ANKS1B: variants seen among roughly 807,000 people sequenced by gnomAD.
ANKS1B encodes the protein ankyrin repeat and sterile alpha motif domain containing 1B.
A neutral mutation model predicts 148.3 loss-of-function variants in ANKS1B; 36 were observed. The ratio of observed to expected loss-of-function variants is 0.24; its 90% CI spans 0.19 to 0.32. ANKS1B has a LOEUF of 0.32. Among genes scored for constraint, ANKS1B ranks in the 10% least tolerant of loss-of-function variants. ANKS1B has a pLI of 1.00. For synonymous variants in ANKS1B, 542 were observed against 560.8 expected (o/e 0.97, Z 0.47); for missense variants, 1,157 against 1,542.6 (o/e 0.75, Z 4.19).
chr12:98,762,882 G>T (rs898798992), intron 25 of ANKS1B, among the ~76,000 whole-genome samples: 7 of 152,242 alleles, frequency 4.6e-5, no homozygotes, highest in Non-Finnish European at 8.8e-5. Flanking sequence ...AATAGGTCAG[G>T]TGCTCAAGAA....
rs560390663 is a variant in ANKS1B, at chr12:99,191,097, A to T, written c.2420-36702T>A. ...TATGCAGCCAACAAACATGAAAAAA[A>T]GCTATAATCACTGGTCACTAGAGAA... is the stretch of plus-strand genomic sequence containing the variant. On this transcript the variant is annotated intron_variant, in intron 14 of 26. Transcript: ENST00000683438. Among the ~76,000 whole-genome samples, 583 of 152,304 alleles carry T rather than the reference A, an allele frequency of 3.8e-3. 3 individuals carry two copies. The highest frequency in any genetic ancestry group is 0.014 in the African/African-American group (565 of 41,584).
Position 99,399,683 on chromosome 12 carries a change from G to A in ANKS1B, c.1704C>T (p.Pro568=). ...SFTASPPASP[P]TSSVGTTEVK... is the part of the protein sequence containing the mutation. Reference sequence around the variant, plus strand: ...CTTCTGTGGTTCCCACAGAAGAGGTGGGTGGACTAGCAGGAGGACTGGCAG... The same window carrying A: ...CTTCTGTGGTTCCCACAGAAGAGGTAGGTGGACTAGCAGGAGGACTGGCAG... Residue 568 remains proline, a synonymous_variant, in exon 12 of 27, where the codon CCC becomes CCT. Transcript: ENST00000683438. The A allele has an allele frequency of 6.2e-7, 1 of 1,613,524 alleles. No homozygotes were observed. Among genetic ancestry groups the A allele is most frequent in the Non-Finnish European group, 8.5e-7 (1 of 1,179,514 alleles).
chr12:99,368,660 T>C lies in ANKS1B; in HGVS notation c.1756+30971A>G, dbSNP rs1029420152. Among the ~76,000 whole-genome samples, 3 of 152,038 alleles carry C rather than the reference T, an allele frequency of 2.0e-5. No individual in the cohort carries two copies. The East Asian group carries it at 5.8e-4, about 29-fold the overall frequency. ...TTGCACTATCTGTTGTCATTTATTG[T>C]AAAACACTGAACATATAAAAATTCA... On this transcript the variant is annotated intron_variant, in intron 12 of 26. Transcript: ENST00000683438.
chr12:99,627,682 TG>T lies in ANKS1B; in HGVS notation c.1272+27384del, dbSNP rs533364292. Among the ~76,000 whole-genome samples, 16 of 152,258 alleles carry T rather than the reference TG, an allele frequency of 1.1e-4. 1 individual carries two copies. In the South Asian group the frequency reaches 2.9e-3, roughly 28 times the overall value. ...GGCATGCAATGCACACAGCAGAGTG[TG>T]CTGGAGATCATAAACATTTGTCAGA... On this transcript the variant is annotated intron_variant, in intron 9 of 26. Coordinates refer to ENST00000683438, the MANE Select transcript of ANKS1B (RefSeq NM_001352186.2).
intron 8 of ANKS1B, among the ~76,000 whole-genome samples, chr12:99,736,500 T>C (rs2059631343): frequency 6.6e-6 from 1 of 151,912 alleles, no homozygotes; most frequent in Non-Finnish European, 1.5e-5. Flanking sequence ...TTATTTACAG[T>C]AGCTACAAAC....
chr12:99,851,066 T>G (rs1488719), intron 1 of ANKS1B, among the ~76,000 whole-genome samples: 21,733 of 152,078 alleles, frequency 0.14, 1,954 homozygotes, highest in Non-Finnish European at 0.2. Flanking sequence ...AGATTCTGAA[T>G]GAGTAGCTGC....
At chr12:99,564,032 T>A (rs951455317) in intron 9 of ANKS1B, among the ~76,000 whole-genome samples, 2 of 152,206 alleles carry the variant, frequency 1.3e-5, no homozygotes, top group Non-Finnish European at 2.9e-5. Context: ...TTTCATCACT[T>A]ATTCACTCGG....
chr12:99,236,335 A>G (rs2087920739), intron 14 of ANKS1B, among the ~76,000 whole-genome samples: 2 of 152,214 alleles, frequency 1.3e-5, no homozygotes, highest in African/African-American at 4.8e-5. Context: ...GTTATTTATA[A>G]AGAAAAGAGG....
chr12:99,579,012 C>T (rs1215265299), intron 9 of ANKS1B, among the ~76,000 whole-genome samples: 3 of 151,796 alleles, frequency 2.0e-5, no homozygotes, highest in Admixed American at 6.6e-5. Flanking sequence ...CACAGACCAA[C>T]GGAACAGATT....
chr12:98,922,987 G>GT (rs1237414746), intron 17 of ANKS1B, among the ~76,000 whole-genome samples: 2 of 152,224 alleles, frequency 1.3e-5, no homozygotes, highest in East Asian at 3.9e-4. Context: ...GTTTGGATGT[G>GT]TTTTTTTCCC....
chr12:99,680,271 C>CT (rs2098606517), intron 8 of ANKS1B, among the ~76,000 whole-genome samples: 4 of 152,066 alleles, frequency 2.6e-5, no homozygotes, highest in Non-Finnish European at 5.9e-5. Flanking sequence ...CAAAACCCCG[C>CT]CTCTACTAAA....
chr12:99,642,879 TG>T (rs1355321488), intron 9 of ANKS1B, among the ~76,000 whole-genome samples: 1 of 152,208 alleles, frequency 6.6e-6, no homozygotes, highest in Non-Finnish European at 1.5e-5. Context: ...CTGTATTCCT[TG>T]GCTCATAGCC....
At chr12:98,873,406 TA>T (rs2099677607) in intron 17 of ANKS1B, among the ~76,000 whole-genome samples, 1 of 152,244 alleles carries the variant, frequency 6.6e-6, no homozygotes, top group Non-Finnish European at 1.5e-5. Context: ...AATAAGCCTG[TA>T]AATAACAGTT....
intron 17 of ANKS1B, among the ~76,000 whole-genome samples, chr12:98,884,060 G>C (rs1012548559): frequency 3.1e-4 from 47 of 152,086 alleles, no homozygotes; most frequent in Non-Finnish European, 5.7e-4. Flanking sequence ...AGAAAAAATT[G>C]AGTCTTCATA....
intron 9 of ANKS1B, among the ~76,000 whole-genome samples, chr12:99,528,920 G>T (rs2096959295): frequency 6.6e-6 from 1 of 151,980 alleles, no homozygotes; most frequent in Non-Finnish European, 1.5e-5. Flanking sequence ...CTTTTGCTTT[G>T]CTTGATTTAA....
At chr12:98,925,753 A>G (rs937819040) in intron 17 of ANKS1B, among the ~76,000 whole-genome samples, 1 of 152,138 alleles carries the variant, frequency 6.6e-6, no homozygotes, top group Non-Finnish European at 1.5e-5. Context: ...AAGCTCCCCC[A>G]AAATTCCCAT....
intron 9 of ANKS1B, among the ~76,000 whole-genome samples, chr12:99,544,943 T>C (rs2097159339): frequency 6.6e-6 from 1 of 152,216 alleles, no homozygotes; most frequent in Non-Finnish European, 1.5e-5. Flanking sequence ...ATTATTGGAT[T>C]ATTCTTAAAA....
intron 9 of ANKS1B, among the ~76,000 whole-genome samples, chr12:99,633,008 T>C (rs1301725254): frequency 1.4e-5 from 2 of 144,490 alleles, no homozygotes; most frequent in Non-Finnish European, 3.0e-5. Flanking sequence ...GAACATGCCA[T>C]GTTTGGTTTT....
At chr12:99,225,003 TAAGGAAA>T in intron 14 of ANKS1B, among the ~76,000 whole-genome samples, 1 of 152,044 alleles carries the variant, frequency 6.6e-6, no homozygotes, top group East Asian at 1.9e-4. Context: ...TCTGAAAGGG[TAAGGAAA>T]AACAACATTG....
Sources: gnomAD v4.1 joint callset for allele counts (sites outside exome capture counted in the v4.1 genomes callset) on GRCh38, gnomAD v4.1.1 for gene constraint, MANE v1.5 for transcripts, NCBI Gene and HGNC (gene_info 2026-07-23, HGNC 2026-07-21) for gene names.